USP44: variants seen among roughly 807,000 people sequenced by gnomAD.
The protein encoded by USP44 is ubiquitin specific peptidase 44, also known as ubiquitin carboxyl-terminal hydrolase 44.
A neutral mutation model predicts 69.0 loss-of-function variants in USP44; 61 were observed. That is an observed-to-expected ratio of 0.88 (90% CI 0.72 to 1.09). USP44 has a LOEUF of 1.09. USP44 is among the 50% of genes least tolerant of loss of function. The probability of loss-of-function intolerance (pLI) is 0.00; values close to 1 mark genes in which losing one functional copy is unlikely to be tolerated. For missense variants in USP44, 753 were observed against 849.9 expected (o/e 0.89, Z 1.42); for synonymous variants, 297 against 295.4 (o/e 1.01, Z -0.06).
chr12:95,523,157 T>C (rs1009797583), intron 4 of USP44, among the ~76,000 whole-genome samples: 4 of 152,202 alleles, frequency 2.6e-5, no homozygotes, highest in African/African-American at 9.6e-5. Flanking sequence ...ATATGGATCC[T>C]TGAAACTCTC....
In USP44 at chr12:95,532,828, CCTGA is replaced by C. The variant is rs774029386; in HGVS notation, c.1425_1428del (p.Ser475ArgfsTer14). 9.6e-5 allele frequency: 151 copies of C among 1,571,026 alleles called. No individual in the cohort carries two copies. Among genetic ancestry groups the C allele is most frequent in the African/African-American group, 1.6e-4 (12 of 72,954 alleles). ...AAAATAAGATTCTTAAAAATCCATA[CCTGA>C]CTAAGAAGTTGTCCATGAAAAATGT... On this transcript the variant is annotated frameshift_variant and splice_region_variant, in exon 2 of 6. Transcript: ENST00000258499. LOFTEE classifies it high-confidence loss of function.
intron 1 of USP44, among the ~76,000 whole-genome samples, chr12:95,541,233 G>A (rs1298001748): frequency 3.9e-5 from 6 of 152,124 alleles, no homozygotes; most frequent in African/African-American, 9.7e-5. Context: ...CCGAGATGGC[G>A]CCACTACACT....
At chr12:95,536,289 C>T (rs181444904) in intron 1 of USP44, among the ~76,000 whole-genome samples, 9 of 151,992 alleles carry the variant, frequency 5.9e-5, no homozygotes, top group Non-Finnish European at 1.3e-4. Flanking sequence ...GTGATCTACC[C>T]GCCTAACCCT....
chr12:95,548,585 C>G lies in USP44; in HGVS notation c.-71+2687G>C, dbSNP rs1440352501. 6.5e-6 allele frequency: 1 copy of G among 152,866 alleles called. No individual in the cohort carries two copies. Among genetic ancestry groups the G allele is most frequent in the Non-Finnish European group, 1.5e-5 (1 of 68,746 alleles). 9.5% of individuals were successfully genotyped at this position (152,866 alleles called of 1,614,324 possible). On this transcript the variant is annotated intron_variant, in intron 1 of 5. Transcript: ENST00000258499. The surrounding 1 kb of genome is among the most constrained non-coding windows in gnomAD (Gnocchi z 4.1). Reference sequence around the variant, plus strand: ...GGACGCGTCGCCGCCGCGCGCCCCTCGGCTCATTCCCTTCCGCGCGCCCGC... The same window carrying G: ...GGACGCGTCGCCGCCGCGCGCCCCTGGGCTCATTCCCTTCCGCGCGCCCGC...
rs555654547 is a variant in USP44, at chr12:95,543,013, G to A, written c.-71+8259C>T. Among the ~76,000 whole-genome samples, 8 of 151,014 alleles carry A rather than the reference G, an allele frequency of 5.3e-5. No homozygotes were observed. The South Asian group carries it at 1.1e-3, about 20-fold the overall frequency. ...TGAGGCAGGAGAATGGCGTGAACCC[G>A]GGAGGCGGAGCTTGCAGTAAGCCTA... On this transcript the variant is annotated intron_variant, in intron 1 of 5. Coordinates refer to ENST00000258499, the MANE Select transcript of USP44 (RefSeq NM_032147.5).
chr12:95,549,015 G>A (rs147182633), intron 1 of USP44, among the ~76,000 whole-genome samples: 17 of 152,272 alleles, frequency 1.1e-4, no homozygotes, highest in Non-Finnish European at 2.1e-4. Context: ...GGGTCTGCGC[G>A]AACAACAAGC....
intron 1 of USP44, among the ~76,000 whole-genome samples, chr12:95,547,590 T>C (rs2077613949): frequency 6.6e-6 from 1 of 152,220 alleles, no homozygotes; most frequent in Non-Finnish European, 1.5e-5. Flanking sequence ...GCCCATTCTT[T>C]TTCCTTGTTT....
chr12:95,530,680 T>TAGAC (rs2076990306), intron 2 of USP44, among the ~76,000 whole-genome samples: 1 of 142,086 alleles, frequency 7.0e-6, no homozygotes, highest in Non-Finnish European at 1.6e-5. Context: ...GATAGATAGA[T>TAGAC]AGATAGATAG....
At chr12:95,520,150 TG>T (rs2076612755) in intron 5 of USP44, among the ~76,000 whole-genome samples, 1 of 43,590 alleles carries the variant, frequency 2.3e-5, no homozygotes, top group East Asian at 6.7e-4. Context: ...CTGTGTTGGG[TG>T]GGGGTGGGGA....
intron 4 of USP44, among the ~76,000 whole-genome samples, 200 bp from the exon 5 acceptor site, chr12:95,521,402 G>A (rs1377614707): frequency 1.3e-5 from 2 of 152,180 alleles, no homozygotes; most frequent in Non-Finnish European, 2.9e-5. Context: ...AGATGATAAT[G>A]TAGGAAAAAA....
chr12:95,532,358 G>A (rs2077048779), intron 2 of USP44, among the ~76,000 whole-genome samples: 2 of 151,844 alleles, frequency 1.3e-5, no homozygotes, highest in South Asian at 4.2e-4. Flanking sequence ...AGTAGAGATG[G>A]GGTTACACCA....
rs1257725167 is a variant in USP44 at position 95,548,824 on chromosome 12, G to C, written c.-71+2448C>G. 6.6e-6 allele frequency: 1 copy of C among 152,060 alleles called. No homozygotes were observed. Among genetic ancestry groups the C allele is most frequent in the Middle Eastern group, 3.4e-3 (1 of 292 alleles). 9.4% of individuals were successfully genotyped at this position (152,060 alleles called of 1,614,324 possible). On this transcript the variant is annotated intron_variant, in intron 1 of 5. Coordinates refer to ENST00000258499, the MANE Select transcript of USP44 (RefSeq NM_032147.5). The surrounding 1 kb of genome is among the most constrained non-coding windows in gnomAD (Gnocchi z 4.1). Reference sequence around the variant, plus strand: ...GCTCACCCCGGCCCCCCGCCCCCCGGTTCGGCGGCCGCGACGACCCGGTGC... The same window carrying C: ...GCTCACCCCGGCCCCCCGCCCCCCGCTTCGGCGGCCGCGACGACCCGGTGC...
chr12:95,535,065 A>G (rs141136849), intron 1 of USP44, among the ~76,000 whole-genome samples: 2 of 152,328 alleles, frequency 1.3e-5, no homozygotes, highest in East Asian at 3.9e-4. Context: ...TGGAGTTAAT[A>G]AAACATAATC....
intron 4 of USP44, among the ~76,000 whole-genome samples, chr12:95,523,178 A>G (rs1592673870): frequency 6.6e-6 from 1 of 152,284 alleles, no homozygotes; most frequent in East Asian, 1.9e-4. Context: ...CTTTGTAATA[A>G]ATGGGTAAAC....
chr12:95,549,171 G>A (rs1336088482), intron 1 of USP44, among the ~76,000 whole-genome samples: 8 of 152,242 alleles, frequency 5.3e-5, no homozygotes, highest in Admixed American at 5.2e-4. Context: ...ACACAACGTC[G>A]AATTGTTTGG....
rs1281993930 is a variant in USP44, at chr12:95,534,187, G to T, written c.70C>A (p.Pro24Thr). 1 of 1,614,094 alleles carries T rather than the reference G, an allele frequency of 6.2e-7. No individual in the cohort carries two copies. The highest frequency in any genetic ancestry group is 1.1e-5 in the South Asian group (1 of 91,080). The part of the protein sequence containing the change: ...QLAQDHSSLN[P>T]QKWHCVDCNT... ...CAGTCCACACAGTGCCATTTCTGAG[G>T]GTTGAGGCTGGAATGGTCTTGAGCA... Residue 24 changes from proline to threonine, a missense_variant, in exon 2 of 6, where the codon CCT becomes ACT. By Grantham distance (38) the Pro-to-Thr change is conservative (BLOSUM62 -1). Transcript: ENST00000258499.
intron 3 of USP44, among the ~76,000 whole-genome samples, chr12:95,527,256 A>G (rs11108092): frequency 0.11 from 16,134 of 151,452 alleles, 922 homozygotes; most frequent in African/African-American, 0.12. Flanking sequence ...CACCATGCCC[A>G]GCTAATTTTT....
At chr12:95,550,731 G>C (rs2077710061) in intron 1 of USP44, among the ~76,000 whole-genome samples, 1 of 151,992 alleles carries the variant, frequency 6.6e-6, no homozygotes, top group Non-Finnish European at 1.5e-5. Flanking sequence ...CTAGTAATTG[G>C]GCGGGGTCTT....
At chr12:95,529,672 C>T (rs762855742) in intron 2 of USP44, among the ~76,000 whole-genome samples, 1 of 152,170 alleles carries the variant, frequency 6.6e-6, no homozygotes, top group Non-Finnish European at 1.5e-5. Flanking sequence ...CCGCCCACCT[C>T]GGCCTGCCAA....
Sources: gnomAD v4.1 joint callset for allele counts (sites outside exome capture counted in the v4.1 genomes callset) on GRCh38, gnomAD v4.1.1 for gene constraint, Gnocchi (gnomAD v3.1) non-coding constraint, MANE v1.5 for transcripts, NCBI Gene and HGNC (gene_info 2026-07-23, HGNC 2026-07-21) for gene names.